The following RASA2 variants were observed in gnomAD, a reference collection of about 807,000 sequenced individuals.
RASA2 encodes RAS p21 protein activator 2, also known as ras GTPase-activating protein 2.
RASA2 carries 155 observed loss-of-function variants against 118.2 expected under a neutral mutation model. The ratio of observed to expected loss-of-function variants is 1.31; its 90% CI spans 1.15 to 1.50. The LOEUF (loss-of-function observed/expected upper bound fraction) is 1.50. Ranked by LOEUF, RASA2 falls within the 40% of genes most tolerant of loss-of-function variation. The pLI is 0.00. For synonymous variants in RASA2, 353 were observed against 349.1 expected (o/e 1.01, Z -0.12); for missense variants, 1,016 against 1,009.6 (o/e 1.01, Z -0.09).
chr3:141,546,702 A>G (rs957185143), intron 5 of RASA2, among the ~76,000 whole-genome samples: 1 of 152,044 alleles, frequency 6.6e-6, no homozygotes, highest in African/African-American at 2.4e-5. Context: ...GTGTGATCCC[A>G]TTTGTCTATT....
chr3:141,590,044 A>C, intron 19 of RASA2: 1 of 441,226 alleles, frequency 2.3e-6, no homozygotes, highest in South Asian at 1.6e-5. Flanking sequence ...CAAAGCCTGC[A>C]GTTTTAAGCT....
intron 17 of RASA2, among the ~76,000 whole-genome samples, chr3:141,581,535 C>T (rs965208131): frequency 1.3e-5 from 2 of 152,098 alleles, no homozygotes; most frequent in Non-Finnish European, 2.9e-5. Flanking sequence ...TGGCCTCTAC[C>T]CCTTAGACGC....
intron 14 of RASA2, among the ~76,000 whole-genome samples, chr3:141,574,730 A>T (rs2082983697): frequency 6.6e-6 from 1 of 152,226 alleles, no homozygotes; most frequent in African/African-American, 2.4e-5. Flanking sequence ...TTTGTTATTT[A>T]TACCAACTAT....
At chr3:141,527,237 A>T (rs2082197728) in intron 3 of RASA2, among the ~76,000 whole-genome samples, 1 of 152,184 alleles carries the variant, frequency 6.6e-6, no homozygotes, top group Admixed American at 6.5e-5. Flanking sequence ...TATTATATGT[A>T]TGTACATATG....
At chr3:141,582,264 G>C (rs2083126908) in intron 17 of RASA2, among the ~76,000 whole-genome samples, 2 of 152,158 alleles carry the variant, frequency 1.3e-5, no homozygotes, top group South Asian at 4.1e-4. Context: ...AAGTCCGTTG[G>C]AATATTTTTC....
At chr3:141,553,784 T>G in intron 5 of RASA2, 73 bp from the exon 6 acceptor site, 1 of 1,556,964 alleles carries the variant, frequency 6.4e-7, no homozygotes, top group Non-Finnish European at 8.7e-7. Flanking sequence ...ATGTATTAGT[T>G]TGTGTTTAAA....
intron 2 of RASA2, among the ~76,000 whole-genome samples, chr3:141,514,110 A>C (rs1215641071): frequency 2.0e-5 from 3 of 152,204 alleles, no homozygotes; most frequent in Admixed American, 6.5e-5. Flanking sequence ...TCTTTAAAAG[A>C]CACTGTCAAG....
At position 141,613,527 on chromosome 3, in the gene RASA2, A is replaced by G; in HGVS notation, c.*1214A>G. Reference sequence around the variant, plus strand: ...GAAGTTGAGGGATACACTTTGCTTCATCAGTATTAAAAACCATGGTACTCT... The same window carrying G: ...GAAGTTGAGGGATACACTTTGCTTCGTCAGTATTAAAAACCATGGTACTCT... On this transcript the variant is annotated 3_prime_UTR_variant, in exon 24 of 24. Transcript: ENST00000286364. 1 of 152,240 alleles carries G rather than the reference A, an allele frequency of 6.6e-6. No homozygotes were observed. Among genetic ancestry groups the G allele is most frequent in the East Asian group, 1.9e-4 (1 of 5,208 alleles). The allele number at this position is 152,240 out of a possible 1,614,324, so 9.4% of individuals were successfully genotyped here. A position where few individuals can be genotyped will look rare whatever the true frequency, so the allele number is the denominator to read the frequency against.
chr3:141,565,269 G>A lies in RASA2; in HGVS notation c.863+5274G>A, dbSNP rs535095677. ...CAAAGTGCTGGGATTACAGGCGGGA[G>A]CCACCACACTTGACCTTCAGGTTCA... On this transcript the variant is annotated intron_variant, in intron 9 of 23. Transcript: ENST00000286364. Among the ~76,000 whole-genome samples, 316 of 152,358 alleles carry A rather than the reference G, an allele frequency of 2.1e-3. 1 individual carries two copies. The highest frequency in any genetic ancestry group is 3.6e-3 in the Non-Finnish European group (243 of 68,028).
rs766209384 is a variant in RASA2, at chr3:141,586,836, C to T, written c.1933+84C>T. On this transcript the variant is annotated intron_variant, in intron 19 of 23. Transcript: ENST00000286364. The stretch of plus-strand genomic sequence containing the variant: ...GCCGCTTATTGTGACTCTAGTGAAT[C>T]CTTTCAGTAATATTACTGTAGTTTA... 12 of 1,062,012 alleles carry T rather than the reference C, an allele frequency of 1.1e-5. No homozygotes were observed. In the East Asian group the frequency reaches 2.8e-4, roughly 25 times the overall value. 65.8% of individuals were successfully genotyped at this position (1,062,012 alleles called of 1,614,324 possible).
intron 9 of RASA2, 138 bp from the exon 10 acceptor site, chr3:141,570,774 C>A: frequency 1.4e-6 from 1 of 695,970 alleles, no homozygotes; most frequent in Non-Finnish European, 2.3e-6. Flanking sequence ...GATGAGTATC[C>A]TGCTACTTAT....
At chr3:141,523,699 A>G (rs1488794386) in intron 3 of RASA2, among the ~76,000 whole-genome samples, 2 of 152,210 alleles carry the variant, frequency 1.3e-5, no homozygotes, top group Non-Finnish European at 1.5e-5. Context: ...CTAGAGCTCA[A>G]ACAAGTAAAC....
Position 141,608,607 on chromosome 3 carries a change from GT to G in RASA2, c.2140del (p.Tyr714IlefsTer7), listed in dbSNP as rs2083586231. 2 of 1,613,868 alleles carry G rather than the reference GT, an allele frequency of 1.2e-6. No individual in the cohort carries two copies. Among genetic ancestry groups the G allele is most frequent in the Non-Finnish European group, 1.7e-6 (2 of 1,179,916 alleles). ...RVSRCNQNRLSFYHPSVYLNG... is the reference protein window; with the variant it reads ...RVSRCNQNRLXFYHPSVYLNG... ...AGCCGATGCAATCAAAACAGGCTCA[GT>G]TTTTATCATCCCTCTGTGTATCTGA... On this transcript the variant is annotated frameshift_variant, in exon 21 of 24. Transcript: ENST00000286364. LOFTEE classifies it high-confidence loss of function.
chr3:141,601,324 A>G (rs985544665), intron 19 of RASA2, among the ~76,000 whole-genome samples: 5 of 152,062 alleles, frequency 3.3e-5, no homozygotes, highest in Non-Finnish European at 7.4e-5. Context: ...CTACTCAGGA[A>G]GCTGAGGTCC....
intron 19 of RASA2, among the ~76,000 whole-genome samples, chr3:141,593,517 C>G (rs1440664678): frequency 6.6e-6 from 1 of 152,132 alleles, no homozygotes; most frequent in Non-Finnish European, 1.5e-5. Context: ...AGGAGTTCTT[C>G]AGTCTGCATG....
chr3:141,494,047 G>A (rs1036276336), intron 1 of RASA2, among the ~76,000 whole-genome samples: 11 of 152,160 alleles, frequency 7.2e-5, no homozygotes, highest in African/African-American at 2.7e-4. Context: ...TCATTTGGCT[G>A]TACCACAGTT....
intron 13 of RASA2, 23 bp from the exon 14 acceptor site, chr3:141,573,921 G>A (rs1175091953): frequency 6.4e-7 from 1 of 1,557,514 alleles, no homozygotes; most frequent in South Asian, 1.2e-5. Flanking sequence ...AAATCTTAAT[G>A]TTTACCTTTT....
chr3:141,594,245 A>G lies in RASA2; in HGVS notation c.1933+7493A>G, dbSNP rs77862871. ...AAATGAACCAATCTAGAACACAGAA[A>G]AGACTTGGGGGAAATGAACAAAACC... is the stretch of plus-strand genomic sequence containing the variant. On this transcript the variant is annotated intron_variant, in intron 19 of 23. Coordinates refer to ENST00000286364, the MANE Select transcript of RASA2 (RefSeq NM_006506.5). Among the ~76,000 whole-genome samples the G allele has an allele frequency of 3.7e-3, 568 of 152,288 alleles. 25 individuals are homozygous for G. The East Asian group carries it at 0.081, about 22-fold the overall frequency.
rs2083665864 is a variant in RASA2, at chr3:141,612,354, T to C, written c.*41T>C. The C allele has an allele frequency of 6.0e-6, 9 of 1,496,000 alleles. No homozygotes were observed. Among genetic ancestry groups the C allele is most frequent in the Non-Finnish European group, 7.3e-6 (8 of 1,092,826 alleles). 92.7% of individuals were successfully genotyped at this position (1,496,000 alleles called of 1,614,324 possible). A position where few individuals can be genotyped will look rare whatever the true frequency, so the allele number is the denominator to read the frequency against. On this transcript the variant is annotated 3_prime_UTR_variant, in exon 24 of 24. Transcript: ENST00000286364. Reference sequence around the variant, plus strand: ...TTCAGAAGAACTGGAAAATATTATTTTTCTTGGAGCTTTTCAATTCATCAT... The same window carrying C: ...TTCAGAAGAACTGGAAAATATTATTCTTCTTGGAGCTTTTCAATTCATCAT...
Sources: allele counts gnomAD v4.1 joint callset (sites outside exome capture counted in the v4.1 genomes callset), GRCh38; gene constraint gnomAD v4.1.1; transcripts MANE v1.5; gene names NCBI Gene and HGNC (gene_info 2026-07-23, HGNC 2026-07-21).